The following RPRD1B variants were observed in gnomAD, a reference collection of about 807,000 sequenced individuals.
RPRD1B encodes regulation of nuclear pre-mRNA domain containing 1B.
RPRD1B carries 11 observed loss-of-function variants against 41.5 expected under a neutral mutation model. That is an observed-to-expected ratio of 0.27 (90% CI 0.17 to 0.44). The LOEUF is 0.44. Ranked by LOEUF, RPRD1B falls within the 20% of genes least tolerant of loss-of-function variation. The pLI is 1.00. For missense variants in RPRD1B, 248 were observed against 389.9 expected (o/e 0.64, Z 3.06); for synonymous variants, 158 against 155.6 (o/e 1.02, Z -0.12).
Position 38,085,112 on chromosome 20 carries a change from T to G in RPRD1B, c.832-4614T>G, listed in dbSNP as rs140539983. On this transcript the variant is annotated intron_variant, in intron 6 of 6. Transcript: ENST00000373433. ...GGAGAGGAATAGCAACCAGACTGCT[T>G]GGGTTTTGCCATGTCTTCTCTTGCA... Among the ~76,000 whole-genome samples the G allele has an allele frequency of 3.0e-3, 452 of 152,302 alleles. 1 individual carries two copies. The highest frequency in any genetic ancestry group is 0.014 in the Middle Eastern group (4 of 294).
intron 2 of RPRD1B, among the ~76,000 whole-genome samples, chr20:38,042,360 A>T (rs1381263239): frequency 6.6e-6 from 1 of 152,186 alleles, no homozygotes; most frequent in Non-Finnish European, 1.5e-5. Context: ...TCTCTAAATT[A>T]CAAACAGACA....
chr20:38,087,453 T>C (rs1373164676), intron 6 of RPRD1B, among the ~76,000 whole-genome samples: 1 of 152,202 alleles, frequency 6.6e-6, no homozygotes, highest in African/African-American at 2.4e-5. Flanking sequence ...CAAATTGTTC[T>C]TGAGGGACTC....
chr20:38,083,761 G>A (rs985251736), intron 6 of RPRD1B: 1 of 152,144 alleles, frequency 6.6e-6, no homozygotes. Context: ...GGAGCTGAGA[G>A]GCCCCGAGTA....
chr20:38,082,220 A>T (rs1466856752), intron 6 of RPRD1B, among the ~76,000 whole-genome samples: 1 of 151,968 alleles, frequency 6.6e-6, no homozygotes, highest in Non-Finnish European at 1.5e-5. Flanking sequence ...TTTTTAAATT[A>T]CTGATTCAAT....
chr20:38,084,790 A>G (rs554974669), intron 6 of RPRD1B, among the ~76,000 whole-genome samples: 1 of 152,324 alleles, frequency 6.6e-6, no homozygotes, highest in Non-Finnish European at 1.5e-5. Flanking sequence ...TGCCAAGAGC[A>G]TAAATCCTAG....
chr20:38,059,620 T>C, intron 5 of RPRD1B, 100 bp downstream of exon 5: 1 of 1,156,084 alleles, frequency 8.6e-7, no homozygotes, highest in East Asian at 2.7e-5. Context: ...TAGACTACTT[T>C]CCATGTTGTA....
rs746577607 is a variant in RPRD1B at position 38,057,649 on chromosome 20, G to GT, written c.528+6dup. The GT allele has an allele frequency of 2.5e-6, 4 of 1,596,464 alleles. No homozygotes were observed. In the African/African-American group the frequency reaches 5.4e-5, roughly 21 times the overall value. On this transcript the variant is annotated splice_donor_region_variant and intron_variant, in intron 4 of 6. Transcript: ENST00000373433. ...CCTTCTGCAGGACCCCTCTTGGTAGGTCTTGACCCCCAGAGAGTAGGGAAC... is the reference window on the plus strand; with the variant it reads ...CCTTCTGCAGGACCCCTCTTGGTAGGTTCTTGACCCCCAGAGAGTAGGGAAC...
In RPRD1B at chr20:38,072,852, T is replaced by G. The variant is rs6013824; in HGVS notation, c.831+6596T>G. ...ATGAGTATTTTGTGTATGGACTCAA[T>G]GGAGTCACCAGGGCACAGTCACAAC... On this transcript the variant is annotated intron_variant, in intron 6 of 6. Coordinates refer to ENST00000373433, the MANE Select transcript of RPRD1B (RefSeq NM_021215.4). Among the ~76,000 whole-genome samples, 14 of 152,146 alleles carry G rather than the reference T, an allele frequency of 9.2e-5. No individual in the cohort carries two copies. The South Asian group carries it at 2.7e-3, about 29-fold the overall frequency.
At chr20:38,046,397 T>C (rs2074121518) in intron 2 of RPRD1B, among the ~76,000 whole-genome samples, 1 of 152,220 alleles carries the variant, frequency 6.6e-6, no homozygotes, top group Admixed American at 6.5e-5. Context: ...TGGAAAAGAT[T>C]ACAATTTGAC....
intron 4 of RPRD1B, 66 bp from the exon 5 acceptor site, chr20:38,059,328 C>A: frequency 6.7e-7 from 1 of 1,497,186 alleles, no homozygotes. Flanking sequence ...CCTCATTTAA[C>A]TCCAACTAAT....
chr20:38,043,368 G>T (rs1433102109), intron 2 of RPRD1B, among the ~76,000 whole-genome samples: 1 of 152,180 alleles, frequency 6.6e-6, no homozygotes, highest in Non-Finnish European at 1.5e-5. Context: ...AGGTCCGAGA[G>T]GTGGACATGC....
chr20:38,038,496 T>TTTGTTTTG, intron 1 of RPRD1B, among the ~76,000 whole-genome samples: 2 of 115,032 alleles, frequency 1.7e-5, no homozygotes, highest in African/African-American at 3.9e-5. Context: ...TTTTGTTTTT[T>TTTGTTTTG]TTTTTTTTTT....
At chr20:38,036,298 G>T (rs917266213) in intron 1 of RPRD1B, among the ~76,000 whole-genome samples, 6 of 152,204 alleles carry the variant, frequency 3.9e-5, no homozygotes, top group African/African-American at 1.4e-4. Flanking sequence ...TAGGACATGA[G>T]CCCAGGGCTG....
chr20:38,071,751 G>A (rs1469383518), intron 6 of RPRD1B, among the ~76,000 whole-genome samples: 1 of 152,138 alleles, frequency 6.6e-6, no homozygotes, highest in Non-Finnish European at 1.5e-5. Context: ...TTATCTCATT[G>A]TGATTTTGAT....
At chr20:38,046,611 ACTGAAGGTGGTGTAACTAAACATACCC>A (rs1231455017) in intron 2 of RPRD1B, among the ~76,000 whole-genome samples, 1 of 152,222 alleles carries the variant, frequency 6.6e-6, no homozygotes, top group Non-Finnish European at 1.5e-5. Context: ...GGAATGACAC[ACTGAAGGTGGTGTAACTAAACATACCC>A]CTGAAGGAGG....
chr20:38,066,412 C>T (rs941489374), intron 6 of RPRD1B, among the ~76,000 whole-genome samples, 156 bp downstream of exon 6: 2 of 152,214 alleles, frequency 1.3e-5, no homozygotes, highest in Non-Finnish European at 2.9e-5. Flanking sequence ...ATTATTTGAG[C>T]CCAGTTAAAA....
At chr20:38,085,127 C>T (rs1013468714) in intron 6 of RPRD1B, among the ~76,000 whole-genome samples, 3 of 152,156 alleles carry the variant, frequency 2.0e-5, no homozygotes, top group African/African-American at 7.2e-5. Context: ...TTTGCCATGT[C>T]TTCTCTTGCA....
At chr20:38,045,425 A>G (rs188834559) in intron 2 of RPRD1B, among the ~76,000 whole-genome samples, 1 of 152,362 alleles carries the variant, frequency 6.6e-6, no homozygotes, top group Non-Finnish European at 1.5e-5. Flanking sequence ...TTTCTTGAAT[A>G]TTTTATGTAT....
chr20:38,065,705 C>T (rs1331061820), intron 5 of RPRD1B, among the ~76,000 whole-genome samples: 1 of 152,076 alleles, frequency 6.6e-6, no homozygotes, highest in Admixed American at 6.5e-5. Context: ...GATATAGGGG[C>T]CAACCGTAAT....
Sources: gnomAD v4.1 joint callset for allele counts (sites outside exome capture counted in the v4.1 genomes callset) on GRCh38, gnomAD v4.1.1 for gene constraint, MANE v1.5 for transcripts, NCBI Gene and HGNC (gene_info 2026-07-23, HGNC 2026-07-21) for gene names.